The following PDZRN4 variants were observed in gnomAD, a reference collection of about 807,000 sequenced individuals.
The protein encoded by PDZRN4 is PDZ domain containing ring finger 4, also known as PDZ domain-containing RING finger protein 4.
Under a neutral mutation model 99.0 loss-of-function variants are expected in PDZRN4, and 70 were observed. That is an observed-to-expected ratio of 0.71 (90% confidence interval 0.58 to 0.86). The LOEUF is 0.86. Ranked by LOEUF, PDZRN4 falls within the 40% of genes least tolerant of loss-of-function variation. The pLI is 0.00. For synonymous variants in PDZRN4, 551 were observed against 501.6 expected, an observed-to-expected ratio of 1.10 and a Z score of -1.32; for missense variants, 1,474 against 1,331.2, an observed-to-expected ratio of 1.11 and a Z score of -1.67.
intron 3 of PDZRN4, among the ~76,000 whole-genome samples, chr12:41,450,213 A>T (rs948788209): frequency 7.9e-5 from 12 of 152,282 alleles, no homozygotes; most frequent in African/African-American, 2.9e-4. Flanking sequence ...TTTTACTTGT[A>T]TTATTTGTTA....
chr12:41,436,297 A>C (rs1457843950), intron 3 of PDZRN4, among the ~76,000 whole-genome samples: 2 of 152,214 alleles, frequency 1.3e-5, no homozygotes, highest in Non-Finnish European at 2.9e-5. Flanking sequence ...ACAACTGATA[A>C]GCAGCAGATG....
intron 3 of PDZRN4, among the ~76,000 whole-genome samples, chr12:41,307,827 A>G (rs927296548): frequency 7.9e-5 from 12 of 152,256 alleles, no homozygotes; most frequent in African/African-American, 2.9e-4. Flanking sequence ...AACCATTGGT[A>G]TAATAGGTAT....
chr12:41,524,881 G>T (rs1006673988), intron 5 of PDZRN4, among the ~76,000 whole-genome samples: 4 of 152,124 alleles, frequency 2.6e-5, no homozygotes, highest in Non-Finnish European at 4.4e-5. Flanking sequence ...TGGTGATTTG[G>T]TCAGTTAGTA....
At chr12:41,362,053 G>T (rs1224566295) in intron 3 of PDZRN4, among the ~76,000 whole-genome samples, 2 of 151,946 alleles carry the variant, frequency 1.3e-5, no homozygotes, top group African/African-American at 4.8e-5. Context: ...ATTGAGAGGG[G>T]ATCACAAACA....
At chr12:41,236,154 T>G (rs1259957776) in intron 3 of PDZRN4, among the ~76,000 whole-genome samples, 1 of 152,130 alleles carries the variant, frequency 6.6e-6, no homozygotes, top group Non-Finnish European at 1.5e-5. Flanking sequence ...AAAGACTACC[T>G]TTAATATAAC....
intron 3 of PDZRN4, among the ~76,000 whole-genome samples, chr12:41,210,575 T>C (rs1345543893): frequency 6.6e-6 from 1 of 152,016 alleles, no homozygotes; most frequent in Non-Finnish European, 1.5e-5. Flanking sequence ...ATTTTTAAAA[T>C]GTCAAAATAT....
At chr12:41,273,684 A>T (rs997165408) in intron 3 of PDZRN4, among the ~76,000 whole-genome samples, 1 of 151,056 alleles carries the variant, frequency 6.6e-6, no homozygotes, top group African/African-American at 2.5e-5. Context: ...AATTTTAGGA[A>T]TTTTTATAAT....
At position 41,572,754 on chromosome 12, in the gene PDZRN4, C is replaced by A. The variant is rs755986141; in HGVS notation, c.1975C>A (p.Gln659Lys). The A allele has an allele frequency of 6.2e-7, 1 of 1,614,036 alleles. No homozygotes were observed. The highest frequency in any genetic ancestry group is 8.5e-7 in the Non-Finnish European group (1 of 1,179,996). The change falls in exon 10 of 10, where the codon CAA becomes AAA. Residue 659 changes from glutamine to lysine, a missense_variant. Transcript: ENST00000402685. ...CACAATTGAATGCAATCAAGGGGAG[C>A]AAGAGGGAGTGGAGCATGAGCTACA... is the stretch of plus-strand genomic sequence containing the variant. ...SSTIECNQGEQEGVEHELQLL... is the reference protein window; with the variant it reads ...SSTIECNQGEKEGVEHELQLL...
chr12:41,477,708 TA>T (rs1389758716), intron 3 of PDZRN4: 1 of 653,786 alleles, frequency 1.5e-6, no homozygotes, highest in African/African-American at 1.8e-5. Context: ...AAATGATGGT[TA>T]TTTGGTGAAC....
chr12:41,489,381 G>T (rs1214050974), intron 3 of PDZRN4, among the ~76,000 whole-genome samples: 3 of 152,184 alleles, frequency 2.0e-5, no homozygotes, highest in African/African-American at 7.2e-5. Context: ...CAACAGTACT[G>T]CAGTTGAGAA....
chr12:41,283,610 A>G (rs1951403742), intron 3 of PDZRN4, among the ~76,000 whole-genome samples: 1 of 152,222 alleles, frequency 6.6e-6, no homozygotes, highest in African/African-American at 2.4e-5. Flanking sequence ...AAAATCCTCA[A>G]TAAAACACTG....
intron 3 of PDZRN4, among the ~76,000 whole-genome samples, chr12:41,483,168 T>A (rs151118591): frequency 6.6e-6 from 1 of 152,230 alleles, no homozygotes; most frequent in Non-Finnish European, 1.5e-5. Flanking sequence ...CCCCTCTTTA[T>A]GAAAGAATAG....
intron 3 of PDZRN4, among the ~76,000 whole-genome samples, chr12:41,330,772 G>T (rs1164787228): frequency 3.3e-5 from 5 of 152,028 alleles, no homozygotes; most frequent in Non-Finnish European, 7.4e-5. Flanking sequence ...GTTTCTCAAA[G>T]TAAGAATAAT....
intron 5 of PDZRN4, among the ~76,000 whole-genome samples, chr12:41,550,396 C>T (rs1939032121): frequency 1.3e-5 from 2 of 152,136 alleles, no homozygotes; most frequent in East Asian, 3.9e-4. Context: ...TACTCCTCAA[C>T]TACATACCTT....
At chr12:41,525,280 G>A (rs973583786) in intron 5 of PDZRN4, among the ~76,000 whole-genome samples, 14 of 152,078 alleles carry the variant, frequency 9.2e-5, no homozygotes, top group African/African-American at 2.2e-4. Flanking sequence ...TAATTGTATC[G>A]CTTATTTGAG....
At chr12:41,485,541 TTTTC>T (rs1010446810) in intron 3 of PDZRN4, among the ~76,000 whole-genome samples, 23 of 152,264 alleles carry the variant, frequency 1.5e-4, no homozygotes, top group Admixed American at 6.5e-4. Flanking sequence ...TCCTCTCTCT[TTTTC>T]TTTCTTTCTC....
intron 3 of PDZRN4, among the ~76,000 whole-genome samples, chr12:41,245,149 C>A (rs1951126526): frequency 6.6e-6 from 1 of 152,078 alleles, no homozygotes; most frequent in African/African-American, 2.4e-5. Context: ...TATTTCATAG[C>A]ATTCTCATCC....
intron 3 of PDZRN4, among the ~76,000 whole-genome samples, chr12:41,245,441 C>G (rs1245795496): frequency 6.6e-6 from 1 of 151,964 alleles, no homozygotes; most frequent in Non-Finnish European, 1.5e-5. Context: ...TGGACATGTA[C>G]AAAATTAATT....
intron 3 of PDZRN4, among the ~76,000 whole-genome samples, chr12:41,408,209 G>T (rs910219928): frequency 7.2e-5 from 11 of 152,162 alleles, no homozygotes; most frequent in African/African-American, 2.4e-4. Flanking sequence ...TAAGCATTTT[G>T]TATTCTATAA....
Sources: gnomAD v4.1 joint callset for allele counts (sites outside exome capture counted in the v4.1 genomes callset) on GRCh38, gnomAD v4.1.1 for gene constraint, MANE v1.5 for transcripts, NCBI Gene and HGNC (gene_info 2026-07-23, HGNC 2026-07-21) for gene names.